Variants in LPA observed in about 807,000 individuals in gnomAD.
LPA encodes lipoprotein(a).
A neutral mutation model predicts 197.9 loss-of-function variants in LPA; 199 were observed. The ratio of observed to expected loss-of-function variants is 1.01; its 90% CI spans 0.90 to 1.13. The LOEUF is 1.13. Ranked by LOEUF, LPA falls within the 50% of genes most tolerant of loss-of-function variation. LPA has a pLI of 0.00. For missense variants in LPA, 1,853 were observed against 1,785.8 expected, an observed-to-expected ratio of 1.04 and a Z score of -0.68; for synonymous variants, 715 against 639.5, an observed-to-expected ratio of 1.12 and a Z score of -1.78.
chr6:160,657,033 A>G (rs1440983631), intron 1 of LPA, among the ~76,000 whole-genome samples: 2 of 152,330 alleles, frequency 1.3e-5, no homozygotes, highest in East Asian at 1.9e-4. Flanking sequence ...TTGATGGTTC[A>G]GTGCCAACAC....
intron 30 of LPA, among the ~76,000 whole-genome samples, chr6:160,554,205 T>C (rs1463929385): frequency 6.6e-6 from 1 of 152,190 alleles, no homozygotes; most frequent in African/African-American, 2.4e-5. Context: ...AACACAATTA[T>C]CATATATACA....
chr6:160,599,742 AAG>A, intron 19 of LPA, 83 bp from the exon 20 acceptor site: 2 of 1,464,160 alleles, frequency 1.4e-6, no homozygotes, highest in Non-Finnish European at 1.9e-6. Flanking sequence ...TAAACCAAAA[AAG>A]AGTCACTGAG....
Position 160,547,934 on chromosome 6 carries a change from C to G in LPA, c.5159G>C (p.Cys1720Ser), listed in dbSNP as rs1778101230. 6.2e-6 allele frequency: 10 copies of G among 1,613,800 alleles called. No homozygotes were observed. Among genetic ancestry groups the G allele is most frequent in the African/African-American group, 2.7e-5 (2 of 74,812 alleles). Reference protein sequence around the residue: ...PSLGPPSEQDCMFGNGKGYRG... With the variant: ...PSLGPPSEQDSMFGNGKGYRG... ...GTATCCTTTCCCATTCCCAAACATA[C>G]AGTCTGTAGAAAAAAATAAAAATAA... The change falls in exon 32 of 39, where the codon TGT becomes TCT. Residue 1720 changes from cysteine (C) to serine (S), a missense_variant. Coordinates refer to ENST00000316300, the MANE Select transcript of LPA (RefSeq NM_005577.4).
chr6:160,570,127 A>G (rs554153035), intron 28 of LPA, among the ~76,000 whole-genome samples: 270 of 152,348 alleles, frequency 1.8e-3, no homozygotes, highest in African/African-American at 6.3e-3. Context: ...CAGCCATACA[A>G]TTACTGGATA....
rs372410501 is a variant in LPA, at chr6:160,532,624, C to T, written c.5868G>A (p.Lys1956=). The change falls in exon 38 of 39, where the codon AAG becomes AAA. Residue 1956 remains lysine, a synonymous_variant. Coordinates refer to ENST00000316300, the MANE Select transcript of LPA (RefSeq NM_005577.4). The part of the protein sequence containing the change: ...TQGTFGTGLL[K]EAQLLVIENE... ...TCTCAATAACAAGGAGCTGGGCTTC[C>T]TTGAGAAGGCCAGTCCCAAAGGTAC... 4 of 1,609,878 alleles carry T rather than the reference C, an allele frequency of 2.5e-6. No individual in the cohort carries two copies. In the South Asian group the frequency reaches 3.3e-5, roughly 13 times the overall value.
Position 160,578,652 on chromosome 6 carries a change from A to C in LPA, c.4342T>G (p.Cys1448Gly). 6.2e-7 allele frequency: 1 copy of C among 1,613,960 alleles called. No homozygotes were observed. The highest frequency in any genetic ancestry group is 8.5e-7 in the Non-Finnish European group (1 of 1,179,904). Residue 1448 changes from cysteine to glycine, a missense_variant, in exon 27 of 39, where the codon TGT becomes GGT. Physicochemically the swap from Cys to Gly is radical, Grantham distance 159. Coordinates refer to ENST00000316300, the MANE Select transcript of LPA (RefSeq NM_005577.4). ...CTGACACTGGGATCCATGGTGTAAC[A>C]CCAAGGGCGAATCTCAGCATCTGGA... Reference protein sequence around the residue: ...RNPDAEIRPWCYTMDPSVRWE... With the variant: ...RNPDAEIRPWGYTMDPSVRWE...
At chr6:160,648,361 T>G (rs1015208576) in intron 2 of LPA, among the ~76,000 whole-genome samples, 10 of 152,212 alleles carry the variant, frequency 6.6e-5, no homozygotes, top group Admixed American at 5.9e-4. Flanking sequence ...TTCTGATCCA[T>G]TGAGCTTCTT....
At chr6:160,604,502 T>A (rs777999389) in intron 18 of LPA, among the ~76,000 whole-genome samples, 13 of 152,344 alleles carry the variant, frequency 8.5e-5, no homozygotes, top group Non-Finnish European at 1.8e-4. Context: ...GACTCTCATC[T>A]GCCTTCCTGC....
intron 2 of LPA, among the ~76,000 whole-genome samples, chr6:160,647,183 C>T (rs1255442516): frequency 1.3e-5 from 2 of 152,274 alleles, no homozygotes; most frequent in South Asian, 2.1e-4. Context: ...GTTGAAAGAA[C>T]AGTGGGTCCC....
At chr6:160,656,258 ATTGT>A (rs1434155488) in intron 1 of LPA, among the ~76,000 whole-genome samples, 1 of 152,072 alleles carries the variant, frequency 6.6e-6, no homozygotes, top group Non-Finnish European at 1.5e-5. Flanking sequence ...GGGATGGGAT[ATTGT>A]TTTTGATTTT....
chr6:160,653,766 C>T (rs1229265806), intron 1 of LPA, among the ~76,000 whole-genome samples: 1 of 148,106 alleles, frequency 6.8e-6, no homozygotes, highest in Non-Finnish European at 1.5e-5. Flanking sequence ...CAATAAAATA[C>T]CAGCAATTGA....
chr6:160,537,790 T>C, intron 37 of LPA, 65 bp downstream of exon 37: 3 of 1,437,724 alleles, frequency 2.1e-6, no homozygotes, highest in Non-Finnish European at 1.9e-6. Context: ...TCCAAAATGC[T>C]CATTTTGTAA....
Position 160,600,922 on chromosome 6 carries a change from T to C in LPA, c.3122A>G (p.Glu1041Gly). Residue 1041 changes from glutamate to glycine, a missense_variant, in exon 19 of 39, where the codon GAA becomes GGA. Transcript: ENST00000316300. ...ILAPSLEAFF[E>G]QALTEETPGV... is the part of the protein sequence containing the mutation. ...TGTCTGGCACAACTTCTTACCTTGT[T>C]CAAAAAAAGCCTCTAGGCTTGGAGC... is the stretch of plus-strand genomic sequence containing the variant. The C allele has an allele frequency of 6.2e-7, 1 of 1,612,286 alleles. No homozygotes were observed. Among genetic ancestry groups the C allele is most frequent in the African/African-American group, 1.3e-5 (1 of 74,942 alleles).
At chr6:160,571,545 GC>G (rs770171400) in intron 28 of LPA, among the ~76,000 whole-genome samples, 1 of 152,210 alleles carries the variant, frequency 6.6e-6, no homozygotes, top group Non-Finnish European at 1.5e-5. Flanking sequence ...GACTGGGGCT[GC>G]TGCCTTTCTT....
At chr6:160,653,298 A>G (rs1562353933) in intron 1 of LPA, among the ~76,000 whole-genome samples, 1 of 152,180 alleles carries the variant, frequency 6.6e-6, no homozygotes, top group Non-Finnish European at 1.5e-5. Context: ...AATCTAAAAG[A>G]GAAATAGACT....
At chr6:160,549,312 G>A (rs376442672) in intron 30 of LPA, among the ~76,000 whole-genome samples, 2 of 152,258 alleles carry the variant, frequency 1.3e-5, no homozygotes, top group African/African-American at 4.8e-5. Context: ...ATACATAAAT[G>A]TGCAAAAGAA....
chr6:160,590,639 G>A (rs1383780344), intron 23 of LPA, among the ~76,000 whole-genome samples: 2 of 152,108 alleles, frequency 1.3e-5, no homozygotes, highest in Non-Finnish European at 2.9e-5. Flanking sequence ...CACAAATTTG[G>A]CAGGATGTTA....
chr6:160,546,982 T>G (rs879922460), intron 32 of LPA, among the ~76,000 whole-genome samples: 1 of 152,124 alleles, frequency 6.6e-6, no homozygotes, highest in African/African-American at 2.4e-5. Flanking sequence ...CTCTGACTAC[T>G]AGAACCCAGA....
intron 16 of LPA, among the ~76,000 whole-genome samples, chr6:160,610,973 C>G (rs1430635759): frequency 2.6e-5 from 4 of 152,124 alleles, no homozygotes; most frequent in Middle Eastern, 6.4e-3. Context: ...TCTACCCATC[C>G]CTTTTACTTT....
Sources: gnomAD v4.1 joint callset for allele counts (sites outside exome capture counted in the v4.1 genomes callset) on GRCh38, gnomAD v4.1.1 for gene constraint, MANE v1.5 for transcripts, NCBI Gene and HGNC (gene_info 2026-07-23, HGNC 2026-07-21) for gene names.